Variants in CALY observed in about 807,000 individuals in gnomAD.
CALY encodes the protein calcyon neuron specific vesicular protein, also known as neuron-specific vesicular protein calcyon.
A neutral mutation model predicts 20.2 loss-of-function variants in CALY; 15 were observed. The ratio of observed to expected loss-of-function variants is 0.74; its 90% CI spans 0.50 to 1.14. The LOEUF is 1.14. Among genes scored for constraint, CALY ranks in the 50% most tolerant of loss-of-function variants. The pLI, the probability that CALY is intolerant of heterozygous loss-of-function variation, is 0.00. For missense variants in CALY, 270 were observed against 304.4 expected (o/e 0.89, Z 0.84); for synonymous variants, 129 against 131.8 (o/e 0.98, Z 0.15).
At chr10:133,333,662 G>T (rs1204873145) in intron 1 of CALY, among the ~76,000 whole-genome samples, 2 of 100,304 alleles carry the variant, frequency 2.0e-5, no homozygotes, top group Non-Finnish European at 4.2e-5. Flanking sequence ...GCTCTGAGGC[G>T]GAAAGATCTG....
At chr10:133,327,077 AC>A in intron 3 of CALY, 86 bp from the exon 4 acceptor site, 1 of 899,880 alleles carries the variant, frequency 1.1e-6, no homozygotes, top group Non-Finnish European at 1.8e-6. Flanking sequence ...CTGGCACAGG[AC>A]CATCCCCGCC....
chr10:133,330,756 G>C (rs1221431066), intron 1 of CALY, among the ~76,000 whole-genome samples: 1 of 148,960 alleles, frequency 6.7e-6, no homozygotes, highest in Non-Finnish European at 1.5e-5. Flanking sequence ...CCATTTACAG[G>C]GAAAGTAATG....
intron 2 of CALY, 47 bp downstream of exon 2, chr10:133,328,808 T>A (rs949826999): frequency 2.0e-6 from 3 of 1,512,988 alleles, no homozygotes; most frequent in African/African-American, 2.8e-5. Context: ...ACCCCTTTGT[T>A]CCCAGGGGAG....
intron 1 of CALY, among the ~76,000 whole-genome samples, chr10:133,334,960 C>G (rs1848409823): frequency 6.6e-6 from 1 of 152,146 alleles, no homozygotes; most frequent in Non-Finnish European, 1.5e-5. Flanking sequence ...TCCCACGTGG[C>G]CCGGGCAGGG....
Position 133,328,897 on chromosome 10 carries a change from G to T in CALY, c.93C>A (p.Ser31Arg). The part of the protein sequence containing the change: ...GAAMDSVPLI[S>R]PLDISQLQPP... ...GCTGGAGCTGGCTGATGTCCAAGGG[G>T]CTGATCAGAGGCACACTGTCCATGG... Residue 31 changes from serine (S) to arginine (R), a missense_variant, in exon 2 of 6, where the codon AGC becomes AGA. Coordinates refer to ENST00000252939, the MANE Select transcript of CALY (RefSeq NM_015722.4). 6.4e-7 allele frequency: 1 copy of T among 1,550,958 alleles called. No homozygotes were observed.
rs1337101939 is a variant in CALY, at chr10:133,331,338, G to C, written c.-20-2329C>G. 2.0e-5 allele frequency among the ~76,000 whole-genome samples: 3 copies of C among 152,174 alleles called. 1 individual carries two copies. Among genetic ancestry groups the C allele is most frequent in the Admixed American group, 2.0e-4 (3 of 15,280 alleles). ...GACAAGAAAAAGTAAAACTCTGATT[G>C]ATTCACCCATGAAACAGTGTCTGTG... On this transcript the variant is annotated intron_variant, in intron 1 of 5. Coordinates refer to ENST00000252939, the MANE Select transcript of CALY (RefSeq NM_015722.4).
chr10:133,334,830 G>A (rs1403781194), intron 1 of CALY, among the ~76,000 whole-genome samples: 3 of 152,074 alleles, frequency 2.0e-5, no homozygotes, highest in Non-Finnish European at 4.4e-5. Context: ...CCTAACCCGT[G>A]CCCCTCGTTG....
Position 133,325,934 on chromosome 10 carries a change from C to CCT in CALY, c.546_547insAG (p.Gly183ArgfsTer80). 7.4e-7 allele frequency: 1 copy of CCT among 1,346,198 alleles called. No homozygotes were observed. 83.4% of individuals were successfully genotyped at this position (1,346,198 alleles called of 1,614,324 possible). ...GGTTCGGTGGCCGCCGCCGCCGCCC[C>CCT]AGCCTGGGTGGGCCCCTTGCGCTCC... On this transcript the variant is annotated frameshift_variant, in exon 5 of 6. Transcript: ENST00000252939. LOFTEE classifies it high-confidence loss of function.
intron 1 of CALY, among the ~76,000 whole-genome samples, chr10:133,334,861 AC>A (rs1848407120): frequency 1.3e-5 from 2 of 152,000 alleles, no homozygotes; most frequent in South Asian, 2.1e-4. Context: ...ATCGCAGGCG[AC>A]CCTGTGCCTG....
intron 3 of CALY, 181 bp downstream of exon 3, chr10:133,327,724 C>G: frequency 1.4e-6 from 1 of 698,536 alleles, no homozygotes; most frequent in Non-Finnish European, 2.6e-6. Flanking sequence ...CGGGAGGGGG[C>G]CTGGTGGGTG....
chr10:133,327,643 C>T, intron 3 of CALY: 1 of 609,092 alleles, frequency 1.6e-6, no homozygotes, highest in South Asian at 1.9e-5. Flanking sequence ...GCAAGCAGCA[C>T]TCGCGGGCAC....
intron 3 of CALY, chr10:133,327,679 A>AGC: frequency 1.6e-6 from 1 of 634,414 alleles, no homozygotes; most frequent in Non-Finnish European, 2.9e-6. Flanking sequence ...ACATCTCAGG[A>AGC]GCGCCACTGT....
At chr10:133,326,320 G>T in intron 4 of CALY, 200 bp from the exon 5 acceptor site, 1 of 1,519,814 alleles carries the variant, frequency 6.6e-7, no homozygotes, top group Non-Finnish European at 8.9e-7. Flanking sequence ...GTTGTAAGGG[G>T]AGGGGCCACC....
At position 133,336,880 on chromosome 10, in the gene CALY, A is replaced by C. The variant is rs569792148; in HGVS notation, c.-67T>G. 1.3e-5 allele frequency: 2 copies of C among 152,452 alleles called. No homozygotes were observed. Among genetic ancestry groups the C allele is most frequent in the South Asian group, 4.1e-4 (2 of 4,850 alleles). The allele number at this position is 152,452 out of a possible 1,614,324, so 9.4% of individuals were successfully genotyped here. On this transcript the variant is annotated 5_prime_UTR_variant, in exon 1 of 6. Transcript: ENST00000252939. ...CTGCAGGACGCGGTCGGGGAGGACGACGATGCGGATGTGGATGCGGAGGAT... is the reference window on the plus strand; with the variant it reads ...CTGCAGGACGCGGTCGGGGAGGACGCCGATGCGGATGTGGATGCGGAGGAT...
chr10:133,326,655 T>C (rs1043993711), intron 4 of CALY, among the ~76,000 whole-genome samples: 6 of 152,184 alleles, frequency 3.9e-5, no homozygotes, highest in Admixed American at 6.5e-5. Flanking sequence ...CTGCCTCATC[T>C]TTTTACTTAT....
At chr10:133,335,630 C>A (rs368478865) in intron 1 of CALY, among the ~76,000 whole-genome samples, 189 of 152,340 alleles carry the variant, frequency 1.2e-3, no homozygotes, top group Non-Finnish European at 2.3e-3. Flanking sequence ...TCCAACCCCC[C>A]CACCCCACAC....
In CALY at chr10:133,324,456, G is replaced by C. The variant is rs1564784341; in HGVS notation, c.*1139C>G. The stretch of plus-strand genomic sequence containing the variant: ...TGGTGGGGGGCTTCCATCCACCAAT[G>C]GTCGGGGGCTGGGGTGGGCGGGGCT... On this transcript the variant is annotated 3_prime_UTR_variant, in exon 6 of 6. Coordinates refer to ENST00000252939, the MANE Select transcript of CALY (RefSeq NM_015722.4). The C allele has an allele frequency of 8.8e-6, 4 of 452,594 alleles. No homozygotes were observed. In the Admixed American group the frequency reaches 9.4e-5, roughly 11 times the overall value. 28.0% of individuals were successfully genotyped at this position (452,594 alleles called of 1,614,324 possible).
intron 1 of CALY, among the ~76,000 whole-genome samples, chr10:133,333,026 C>T (rs1406072887): frequency 6.6e-6 from 1 of 151,838 alleles, no homozygotes. Context: ...GACAGCAGCG[C>T]GAGGATGTCC....
chr10:133,331,818 C>T (rs2133381292), intron 1 of CALY, among the ~76,000 whole-genome samples: 1 of 152,296 alleles, frequency 6.6e-6, no homozygotes, highest in East Asian at 1.9e-4. Flanking sequence ...GGCAGGAACA[C>T]ATCAAGTATC....
Sources: allele counts gnomAD v4.1 joint callset (sites outside exome capture counted in the v4.1 genomes callset), GRCh38; gene constraint gnomAD v4.1.1; transcripts MANE v1.5; gene names NCBI Gene and HGNC (gene_info 2026-07-23, HGNC 2026-07-21).